B3GALT1: variants seen among roughly 807,000 people sequenced by gnomAD.
The protein encoded by B3GALT1 is beta-1,3-galactosyltransferase 1, also known as UDP-Gal:betaGlcNAc beta 1,3-galactosyltransferase, polypeptide 1.
B3GALT1 carries 10 observed loss-of-function variants against 23.2 expected under a neutral mutation model. The ratio of observed to expected loss-of-function variants is 0.43; its 90% CI spans 0.27 to 0.73. B3GALT1 has a LOEUF of 0.73. Among genes scored for constraint, B3GALT1 ranks in the 30% least tolerant of loss-of-function variants. B3GALT1 has a pLI of 0.21. For synonymous variants in B3GALT1, 156 were observed against 141.5 expected, an observed-to-expected ratio of 1.10 and a Z score of -0.73; for missense variants, 299 against 405.4, an observed-to-expected ratio of 0.74 and a Z score of 2.25.
chr2:167,608,754 G>C (rs1341162321), intron 2 of B3GALT1, among the ~76,000 whole-genome samples: 1 of 152,140 alleles, frequency 6.6e-6, no homozygotes, highest in African/African-American at 2.4e-5. Context: ...CATACATTTG[G>C]AGGGTTACAT....
intron 3 of B3GALT1, among the ~76,000 whole-genome samples, chr2:167,651,779 T>C (rs1685874682): frequency 6.6e-6 from 1 of 152,172 alleles, no homozygotes; most frequent in African/African-American, 2.4e-5. Flanking sequence ...AAGGCTCACA[T>C]ACCCTTGGAA....
chr2:167,566,658 T>C (rs1398054843), intron 2 of B3GALT1, among the ~76,000 whole-genome samples: 3 of 152,104 alleles, frequency 2.0e-5, no homozygotes, highest in Non-Finnish European at 4.4e-5. Flanking sequence ...ATATGAGTAG[T>C]TAATACCAAT....
At chr2:167,665,358 C>A (rs9678129) in intron 3 of B3GALT1, among the ~76,000 whole-genome samples, 8 of 120,736 alleles carry the variant, frequency 6.6e-5, no homozygotes, top group African/African-American at 2.3e-4. Context: ...TGCTGGATTT[C>A]GTTTGCCAGT....
intron 1 of B3GALT1, among the ~76,000 whole-genome samples, chr2:167,392,028 C>T (rs555805703): frequency 2.0e-5 from 3 of 152,156 alleles, no homozygotes; most frequent in African/African-American, 7.2e-5. Context: ...CTCTGTAGAA[C>T]TCTGAAGGCG....
intron 1 of B3GALT1, among the ~76,000 whole-genome samples, chr2:167,444,121 A>G (rs1698942819): frequency 6.6e-6 from 1 of 152,196 alleles, no homozygotes; most frequent in African/African-American, 2.4e-5. Flanking sequence ...ATCTATTGAG[A>G]TAATCATGTG....
chr2:167,438,757 T>G (rs1698828652), intron 1 of B3GALT1, among the ~76,000 whole-genome samples: 1 of 152,216 alleles, frequency 6.6e-6, no homozygotes, highest in African/African-American at 2.4e-5. Flanking sequence ...TGATTCCAGC[T>G]TACAACTCTT....
At chr2:167,435,659 T>C (rs1235437674) in intron 1 of B3GALT1, among the ~76,000 whole-genome samples, 1 of 151,948 alleles carries the variant, frequency 6.6e-6, no homozygotes, top group Non-Finnish European at 1.5e-5. Flanking sequence ...AGCAAGATAA[T>C]AAGCTCAAAG....
intron 2 of B3GALT1, among the ~76,000 whole-genome samples, chr2:167,504,429 A>C (rs903703942): frequency 5.3e-5 from 8 of 152,322 alleles, no homozygotes; most frequent in African/African-American, 1.9e-4. Flanking sequence ...AAATCACCTC[A>C]AAGGTCCTGC....
chr2:167,660,171 A>T (rs977846155), intron 3 of B3GALT1, among the ~76,000 whole-genome samples: 1 of 152,100 alleles, frequency 6.6e-6, no homozygotes, highest in Non-Finnish European at 1.5e-5. Flanking sequence ...GGATTTTATC[A>T]CTTGAGCATT....
chr2:167,388,552 G>A (rs1697960112), intron 1 of B3GALT1, among the ~76,000 whole-genome samples: 1 of 152,110 alleles, frequency 6.6e-6, no homozygotes, highest in Non-Finnish European at 1.5e-5. Context: ...GAAAACACCT[G>A]AGGGTAAATA....
chr2:167,412,828 A>C (rs1201931803), intron 1 of B3GALT1, among the ~76,000 whole-genome samples: 2 of 152,146 alleles, frequency 1.3e-5, no homozygotes, highest in Non-Finnish European at 2.9e-5. Context: ...GCTATAAACA[A>C]CTGAAATGTC....
intron 1 of B3GALT1, among the ~76,000 whole-genome samples, chr2:167,295,143 C>G (rs1438693106): frequency 6.6e-6 from 1 of 152,078 alleles, no homozygotes; most frequent in Non-Finnish European, 1.5e-5. Context: ...CAAGGATGGT[C>G]TCATGGTTTT....
rs191810296 is a variant in B3GALT1, at chr2:167,867,222, G to A, written c.-229-1589G>A. 6.5e-3 allele frequency among the ~76,000 whole-genome samples: 995 copies of A among 152,162 alleles called. 12 individuals are homozygous for A. Among genetic ancestry groups the A allele is most frequent in the African/African-American group, 0.018 (731 of 41,520 alleles). ...ATTACAGGCGTGAGCCACCGCGCCC[G>A]GCCGAGAAGCTCTTTTTTTCTATTC... On this transcript the variant is annotated intron_variant, in intron 4 of 4. Transcript: ENST00000392690.
At chr2:167,590,285 G>T (rs1340246671) in intron 2 of B3GALT1, among the ~76,000 whole-genome samples, 1 of 146,918 alleles carries the variant, frequency 6.8e-6, no homozygotes, top group African/African-American at 2.5e-5. Flanking sequence ...GGCAGAGCTT[G>T]CAGTGCGCTG....
intron 1 of B3GALT1, among the ~76,000 whole-genome samples, chr2:167,397,725 C>A (rs1341122303): frequency 6.6e-6 from 1 of 152,156 alleles, no homozygotes; most frequent in Non-Finnish European, 1.5e-5. Context: ...CCCCTGTATA[C>A]CTCTGTGTTC....
chr2:167,752,816 G>A (rs547569028), intron 3 of B3GALT1, among the ~76,000 whole-genome samples: 1 of 152,328 alleles, frequency 6.6e-6, no homozygotes, highest in Middle Eastern at 3.4e-3. Flanking sequence ...CATTTGGGGA[G>A]CTGCGGTTGA....
chr2:167,647,218 C>A (rs1408178849), intron 3 of B3GALT1, among the ~76,000 whole-genome samples: 1 of 152,210 alleles, frequency 6.6e-6, no homozygotes, highest in Non-Finnish European at 1.5e-5. Flanking sequence ...GTAGGGACCC[C>A]AGATGCATGT....
At chr2:167,456,320 G>A (rs1283670382) in intron 1 of B3GALT1, among the ~76,000 whole-genome samples, 2 of 152,124 alleles carry the variant, frequency 1.3e-5, no homozygotes, top group East Asian at 1.9e-4. Context: ...TAAGGTGATG[G>A]AGCTAAGCCG....
At chr2:167,394,530 AG>A (rs1185714332) in intron 1 of B3GALT1, among the ~76,000 whole-genome samples, 2 of 151,794 alleles carry the variant, frequency 1.3e-5, no homozygotes, top group Non-Finnish European at 2.9e-5. Context: ...ACCCTAATAA[AG>A]GGTTGTTTTT....
Sources: allele counts gnomAD v4.1 joint callset (sites outside exome capture counted in the v4.1 genomes callset), GRCh38; gene constraint gnomAD v4.1.1; transcripts MANE v1.5; gene names NCBI Gene and HGNC (gene_info 2026-07-23, HGNC 2026-07-21).